The following MEIKIN variants were observed in gnomAD, a reference collection of about 807,000 sequenced individuals.
MEIKIN encodes meiosis-specific kinetochore protein.
intron 9 of MEIKIN, among the ~76,000 whole-genome samples, chr5:131,868,274 A>C (rs907676422): frequency 6.6e-6 from 1 of 152,202 alleles, no homozygotes; most frequent in African/African-American, 2.4e-5. Flanking sequence ...TAGTAGAGAC[A>C]GGGTTTTGCC....
intron 9 of MEIKIN, among the ~76,000 whole-genome samples, chr5:131,870,375 T>C (rs1367379207): frequency 2.0e-5 from 3 of 152,164 alleles, no homozygotes; most frequent in African/African-American, 7.2e-5. Context: ...GTTCTGTTTA[T>C]TTTTCTCCTC....
At chr5:131,909,052 C>T (rs182582527) in intron 8 of MEIKIN, among the ~76,000 whole-genome samples, 1 of 152,048 alleles carries the variant, frequency 6.6e-6, no homozygotes, top group Admixed American at 6.6e-5. Context: ...CAATGAAATT[C>T]TTCATACAAA....
At chr5:131,896,729 G>T (rs1343491218) in intron 8 of MEIKIN, among the ~76,000 whole-genome samples, 1 of 152,048 alleles carries the variant, frequency 6.6e-6, no homozygotes, top group Non-Finnish European at 1.5e-5. Flanking sequence ...CTTTCCATTT[G>T]CTTGGTATAT....
chr5:131,921,533 T>G (rs1428550115), intron 6 of MEIKIN, among the ~76,000 whole-genome samples: 2 of 152,088 alleles, frequency 1.3e-5, no homozygotes, highest in African/African-American at 4.8e-5. Context: ...GGCACGTGCC[T>G]GTAACCCCAG....
intron 9 of MEIKIN, among the ~76,000 whole-genome samples, chr5:131,873,486 C>A (rs1750545997): frequency 1.3e-5 from 2 of 152,238 alleles, no homozygotes; most frequent in African/African-American, 4.8e-5. Context: ...TAGGAGCACC[C>A]AGATTCATAA....
intron 9 of MEIKIN, among the ~76,000 whole-genome samples, chr5:131,860,294 T>G (rs1428028476): frequency 5.3e-5 from 8 of 151,506 alleles, no homozygotes; most frequent in Middle Eastern, 3.4e-3. Flanking sequence ...TTTTTTTTTT[T>G]TTTGGTTTTG....
intron 4 of MEIKIN, among the ~76,000 whole-genome samples, chr5:131,941,164 TTTTTTTTTTTTG>T (rs1190251549): frequency 2.2e-5 from 3 of 134,246 alleles, no homozygotes; most frequent in African/African-American, 5.8e-5. Context: ...TTTTTTTTTT[TTTTTTTTTTTTG>T]TGACGAAGTC....
At chr5:131,892,745 C>T (rs978083004) in intron 8 of MEIKIN, among the ~76,000 whole-genome samples, 2 of 152,206 alleles carry the variant, frequency 1.3e-5, no homozygotes, top group African/African-American at 4.8e-5. Flanking sequence ...CAGCTTTGTT[C>T]CATTGCTGGT....
At chr5:131,911,739 A>G in intron 8 of MEIKIN, 76 bp downstream of exon 8, 1 of 392,870 alleles carries the variant, frequency 2.5e-6, no homozygotes, top group Non-Finnish European at 4.5e-6. Flanking sequence ...GCAGGTAGCA[A>G]AAATAAACAC....
At chr5:131,868,081 C>A (rs1014333853) in intron 9 of MEIKIN, among the ~76,000 whole-genome samples, 1 of 152,124 alleles carries the variant, frequency 6.6e-6, no homozygotes, top group African/African-American at 2.4e-5. Context: ...GTAATAATAA[C>A]TCGCTGTTGC....
At chr5:131,920,783 T>G (rs1477292132) in intron 6 of MEIKIN, among the ~76,000 whole-genome samples, 1 of 151,758 alleles carries the variant, frequency 6.6e-6, no homozygotes, top group Non-Finnish European at 1.5e-5. Flanking sequence ...AGCCTTGACC[T>G]CCTGGGCTCA....
chr5:131,895,968 T>C (rs568339571), intron 8 of MEIKIN, among the ~76,000 whole-genome samples: 9 of 152,328 alleles, frequency 5.9e-5, no homozygotes, highest in African/African-American at 1.4e-4. Context: ...GTTCTTTTAA[T>C]TGTGATGTTA....
chr5:131,881,351 T>C (rs998415273), intron 8 of MEIKIN, among the ~76,000 whole-genome samples: 1 of 152,174 alleles, frequency 6.6e-6, no homozygotes, highest in Non-Finnish European at 1.5e-5. Flanking sequence ...GCTTCATCAT[T>C]CTTTCCTGGT....
intron 11 of MEIKIN, among the ~76,000 whole-genome samples, chr5:131,832,637 G>T (rs1423756777): frequency 6.6e-6 from 1 of 152,184 alleles, no homozygotes; most frequent in African/African-American, 2.4e-5. Context: ...ACCCGCCCTT[G>T]CAGCAAAATT....
At chr5:131,879,997 G>A (rs1399505349) in intron 8 of MEIKIN, among the ~76,000 whole-genome samples, 1 of 152,038 alleles carries the variant, frequency 6.6e-6, no homozygotes, top group Non-Finnish European at 1.5e-5. Flanking sequence ...CGGGCTCACG[G>A]CAAACTCCAC....
At chr5:131,906,010 G>C (rs1012413578) in intron 8 of MEIKIN, among the ~76,000 whole-genome samples, 1 of 152,012 alleles carries the variant, frequency 6.6e-6, no homozygotes, top group African/African-American at 2.4e-5. Context: ...ATTGCTATGA[G>C]AGCAAAAATG....
At chr5:131,857,562 C>T (rs1457377089) in intron 9 of MEIKIN, among the ~76,000 whole-genome samples, 2 of 152,278 alleles carry the variant, frequency 1.3e-5, no homozygotes, top group East Asian at 1.9e-4. Flanking sequence ...GGCACAGCCT[C>T]GCATGCCTAA....
At chr5:131,888,111 G>A (rs1409466691) in intron 8 of MEIKIN, among the ~76,000 whole-genome samples, 8 of 145,816 alleles carry the variant, frequency 5.5e-5, no homozygotes, top group South Asian at 4.4e-4. Context: ...GTCTATCATC[G>A]TTGGACATTT....
intron 3 of MEIKIN, 111 bp from the exon 4 acceptor site, chr5:131,942,806 G>A (rs1751895921): frequency 2.6e-6 from 1 of 381,822 alleles, no homozygotes; most frequent in African/African-American, 2.1e-5. Flanking sequence ...CTTTTTATAT[G>A]TTTCATATAT....
Sources: allele counts gnomAD v4.1 joint callset (sites outside exome capture counted in the v4.1 genomes callset), GRCh38; gene constraint gnomAD v4.1.1; transcripts MANE v1.5; gene names NCBI Gene and HGNC (gene_info 2026-07-23, HGNC 2026-07-21).